MEF2C: variants seen among roughly 807,000 people sequenced by gnomAD.
The protein encoded by MEF2C is myocyte enhancer factor 2C, also known as myocyte-specific enhancer factor 2C.
A neutral mutation model predicts 50.5 loss-of-function variants in MEF2C; 6 were observed. The ratio of observed to expected loss-of-function variants is 0.12; its 90% CI spans 0.07 to 0.23. The LOEUF (loss-of-function observed/expected upper bound fraction) is 0.23, where lower values mean the gene tolerates loss of function less well. Among genes scored for constraint, MEF2C ranks in the 10% least tolerant of loss-of-function variants. The pLI, the probability that MEF2C is intolerant of heterozygous loss-of-function variation, is 1.00. For missense variants in MEF2C, 276 were observed against 605.0 expected (o/e 0.46, Z 5.70); for synonymous variants, 183 against 228.0 (o/e 0.80, Z 1.78).
chr5:88,896,694 G>A (rs1835153177), intron 1 of MEF2C, among the ~76,000 whole-genome samples: 1 of 152,128 alleles, frequency 6.6e-6, no homozygotes, highest in South Asian at 2.1e-4. Flanking sequence ...GAAGAAATAA[G>A]ATTCTAAGTA....
rs886060853 is a variant in MEF2C, at chr5:88,719,022, C to T, written c.*3582G>A. ...CCTTTATTGAGGGTTCAAGTGGCTT[C>T]TTCTTCTTTAAAAAAAATGTTTTTT... is the stretch of plus-strand genomic sequence containing the variant. On this transcript the variant is annotated 3_prime_UTR_variant, in exon 11 of 11. Transcript: ENST00000504921. 6.6e-6 allele frequency: 1 copy of T among 152,112 alleles called. No homozygotes were observed. The highest frequency in any genetic ancestry group is 2.4e-5 in the African/African-American group (1 of 41,416). The allele number at this position is 152,112 out of a possible 1,614,324, so 9.4% of individuals were successfully genotyped here. A position where few individuals can be genotyped will look rare whatever the true frequency, so the allele number is the denominator to read the frequency against.
intron 1 of MEF2C, among the ~76,000 whole-genome samples, chr5:88,834,254 C>T (rs1418565144): frequency 6.6e-6 from 1 of 152,134 alleles, no homozygotes; most frequent in Non-Finnish European, 1.5e-5. Flanking sequence ...AGCTTTGGAG[C>T]AGACCAATTA....
intron 1 of MEF2C, among the ~76,000 whole-genome samples, chr5:88,874,621 C>T (rs774831355): frequency 2.6e-5 from 4 of 151,708 alleles, no homozygotes; most frequent in African/African-American, 4.8e-5. Context: ...AACAATTTAT[C>T]GGGAACATTT....
chr5:88,824,393 C>T, intron 1 of MEF2C: 1 of 975,356 alleles, frequency 1.0e-6, no homozygotes, highest in Non-Finnish European at 1.2e-6. Flanking sequence ...TAACGTCCCT[C>T]GTTATGCAAA....
At chr5:88,857,498 G>T (rs1823865758) in intron 1 of MEF2C, among the ~76,000 whole-genome samples, 1 of 152,124 alleles carries the variant, frequency 6.6e-6, no homozygotes, top group Admixed American at 6.5e-5. Flanking sequence ...TATGAGATTT[G>T]GGAGGGGCCA....
chr5:88,821,422 T>C (rs775117987), intron 2 of MEF2C, among the ~76,000 whole-genome samples: 22 of 151,872 alleles, frequency 1.4e-4, no homozygotes, highest in Non-Finnish European at 2.5e-4. Context: ...CACACCCAGT[T>C]AATTTTTTTT....
chr5:88,879,105 T>C (rs1398440790), intron 1 of MEF2C, among the ~76,000 whole-genome samples: 5 of 151,992 alleles, frequency 3.3e-5, no homozygotes, highest in African/African-American at 4.8e-5. Context: ...TAATTTTATG[T>C]ATCACAGATG....
intron 3 of MEF2C, among the ~76,000 whole-genome samples, chr5:88,765,145 T>G (rs1318590657): frequency 1.3e-5 from 2 of 152,224 alleles, no homozygotes; most frequent in Non-Finnish European, 2.9e-5. Context: ...TATCTTGCTA[T>G]GAATATCACC....
chr5:88,793,630 C>T (rs1794785004), intron 3 of MEF2C, among the ~76,000 whole-genome samples: 2 of 152,068 alleles, frequency 1.3e-5, no homozygotes, highest in South Asian at 4.1e-4. Context: ...CTATATAGCA[C>T]ATAAAAATAA....
chr5:88,819,148 G>A (rs537522742), intron 2 of MEF2C, among the ~76,000 whole-genome samples: 1 of 152,054 alleles, frequency 6.6e-6, no homozygotes. Context: ...CGAAGTTTGT[G>A]TGTCTCTAAA....
At chr5:88,895,802 C>T (rs944216645) in intron 1 of MEF2C, among the ~76,000 whole-genome samples, 8 of 152,156 alleles carry the variant, frequency 5.3e-5, no homozygotes, top group Non-Finnish European at 7.4e-5. Flanking sequence ...ATCCCTCAGC[C>T]GCCCCTTTAT....
chr5:88,760,326 T>G (rs1162228567), intron 4 of MEF2C, among the ~76,000 whole-genome samples: 1 of 152,240 alleles, frequency 6.6e-6, no homozygotes, highest in Non-Finnish European at 1.5e-5. Context: ...AAAACAAAAA[T>G]TAGCCAAATG....
intron 3 of MEF2C, among the ~76,000 whole-genome samples, chr5:88,776,487 C>T (rs1267972912): frequency 1.3e-5 from 2 of 152,170 alleles, no homozygotes; most frequent in African/African-American, 2.4e-5. Flanking sequence ...TCCTCATTCC[C>T]GCCCTCATCA....
intron 1 of MEF2C, among the ~76,000 whole-genome samples, chr5:88,852,246 TAA>T (rs1430719942): frequency 6.6e-6 from 1 of 152,146 alleles, no homozygotes; most frequent in African/African-American, 2.4e-5. Flanking sequence ...TCTATATAAT[TAA>T]AAAGTTAATT....
At chr5:88,861,424 G>C (rs759565817) in intron 1 of MEF2C, among the ~76,000 whole-genome samples, 18 of 152,158 alleles carry the variant, frequency 1.2e-4, no homozygotes, top group Non-Finnish European at 2.5e-4. Context: ...CATAACCACT[G>C]CAACACAGGT....
intron 3 of MEF2C, among the ~76,000 whole-genome samples, chr5:88,793,696 C>A (rs545928244): frequency 6.6e-6 from 1 of 152,168 alleles, no homozygotes; most frequent in East Asian, 1.9e-4. Flanking sequence ...GCAGAACATG[C>A]AGACTTGTTA....
chr5:88,795,930 G>A (rs955413059), intron 3 of MEF2C, among the ~76,000 whole-genome samples: 1 of 152,176 alleles, frequency 6.6e-6, no homozygotes, highest in African/African-American at 2.4e-5. Flanking sequence ...CTGTTTATGT[G>A]ATGGATTACA....
intron 4 of MEF2C, among the ~76,000 whole-genome samples, chr5:88,757,417 GA>G (rs201236395): frequency 4.2e-4 from 63 of 148,820 alleles, no homozygotes; most frequent in African/African-American, 1.1e-3. Flanking sequence ...TGTAGTAGAG[GA>G]AAAAAAAAAT....
intron 1 of MEF2C, among the ~76,000 whole-genome samples, chr5:88,894,575 T>G (rs899248496): frequency 1.3e-5 from 2 of 152,190 alleles, no homozygotes; most frequent in Non-Finnish European, 2.9e-5. Context: ...TAAGGATGAA[T>G]TTTTTCCAAA....
Sources: allele counts gnomAD v4.1 joint callset (sites outside exome capture counted in the v4.1 genomes callset), GRCh38; gene constraint gnomAD v4.1.1; transcripts MANE v1.5; gene names NCBI Gene and HGNC (gene_info 2026-07-23, HGNC 2026-07-21).